Variants in DNAH9 observed in about 807,000 individuals in gnomAD.
DNAH9 encodes DNAH9 variant protein.
Under a neutral mutation model 471.6 loss-of-function variants are expected in DNAH9, and 345 were observed. The ratio of observed to expected loss-of-function variants is 0.73; its 90% CI spans 0.67 to 0.80. The LOEUF (loss-of-function observed/expected upper bound fraction) is 0.80, where lower values mean the gene tolerates loss of function less well. Among genes scored for constraint, DNAH9 ranks in the 30% least tolerant of loss-of-function variants. The probability of loss-of-function intolerance (pLI) is 0.00; values close to 1 mark genes in which losing one functional copy is unlikely to be tolerated. For synonymous variants in DNAH9, 2,093 were observed against 2,123.6 expected, an observed-to-expected ratio of 0.99 and a Z score of 0.40; for missense variants, 5,407 against 5,609.2, an observed-to-expected ratio of 0.96 and a Z score of 1.15.
intron 32 of DNAH9, among the ~76,000 whole-genome samples, chr17:11,749,523 G>A (rs902242190): frequency 3.3e-5 from 5 of 151,584 alleles, no homozygotes; most frequent in African/African-American, 9.7e-5. Context: ...TGCCTGTCTA[G>A]TCTTTTTAGC....
At chr17:11,813,238 G>GA (rs893266030) in intron 45 of DNAH9, among the ~76,000 whole-genome samples, 101 of 141,348 alleles carry the variant, frequency 7.1e-4, no homozygotes, top group African/African-American at 1.3e-3. Flanking sequence ...ATTCTTTAAG[G>GA]AAAAAAAAAA....
chr17:11,940,940 A>G (rs1386109424), intron 66 of DNAH9, among the ~76,000 whole-genome samples: 1 of 152,170 alleles, frequency 6.6e-6, no homozygotes, highest in Non-Finnish European at 1.5e-5. Context: ...TTAACTAGGC[A>G]AGAAATGGCT....
chr17:11,668,370 A>T (rs2073910911), intron 15 of DNAH9, among the ~76,000 whole-genome samples: 1 of 152,158 alleles, frequency 6.6e-6, no homozygotes, highest in African/African-American at 2.4e-5. Context: ...GGCTTTGAAA[A>T]ATCAACCTCT....
intron 37 of DNAH9, 26 bp downstream of exon 37, chr17:11,768,652 C>T (rs373652308): frequency 1.2e-5 from 20 of 1,607,106 alleles, no homozygotes; most frequent in Non-Finnish European, 1.6e-5. Context: ...CAGCCGAGGA[C>T]GTGCGTGCAG....
intron 6 of DNAH9, among the ~76,000 whole-genome samples, chr17:11,622,506 C>T (rs919754426): frequency 2.2e-4 from 33 of 152,074 alleles, no homozygotes; most frequent in African/African-American, 7.7e-4. Context: ...CAGCCCATGC[C>T]TGGCCTGGGC....
chr17:11,795,080 ATAC>A (rs1235009269), intron 42 of DNAH9, among the ~76,000 whole-genome samples: 2 of 151,894 alleles, frequency 1.3e-5, no homozygotes, highest in East Asian at 1.9e-4. Context: ...TAATAAAAAA[ATAC>A]ATATATATAT....
At chr17:11,627,731 C>T (rs192688380) in intron 6 of DNAH9, among the ~76,000 whole-genome samples, 1 of 152,300 alleles carries the variant, frequency 6.6e-6, no homozygotes, top group Admixed American at 6.5e-5. Flanking sequence ...CTTCTCTCCC[C>T]TCCCACTTCA....
intron 4 of DNAH9, chr17:11,612,985 A>G (rs1056665207): frequency 3.3e-5 from 5 of 152,126 alleles, no homozygotes; most frequent in Admixed American, 1.3e-4. Flanking sequence ...TTCCCCTCTC[A>G]TGGCATGGAG....
At chr17:11,722,302 C>G (rs1055728738) in intron 27 of DNAH9, among the ~76,000 whole-genome samples, 4 of 152,114 alleles carry the variant, frequency 2.6e-5, no homozygotes, top group African/African-American at 4.8e-5. Flanking sequence ...AAGCATCTCA[C>G]CTTGAAGTGG....
chr17:11,740,606 G>C (rs1401435260), intron 29 of DNAH9, among the ~76,000 whole-genome samples: 1 of 152,060 alleles, frequency 6.6e-6, no homozygotes, highest in African/African-American at 2.4e-5. Context: ...ACCCATAGAA[G>C]GAAATTTGGA....
intron 67 of DNAH9, among the ~76,000 whole-genome samples, chr17:11,961,121 C>T (rs1233518868): frequency 6.6e-6 from 1 of 152,078 alleles, no homozygotes. Flanking sequence ...TCAAGACCAG[C>T]CAGACCAACA....
At chr17:11,957,118 TAAG>T (rs1057275385) in intron 67 of DNAH9, among the ~76,000 whole-genome samples, 4 of 152,266 alleles carry the variant, frequency 2.6e-5, no homozygotes, top group South Asian at 4.1e-4. Flanking sequence ...AAAAGGATTA[TAAG>T]AATATGAATA....
chr17:11,621,086 G>A (rs1041314712), intron 6 of DNAH9, among the ~76,000 whole-genome samples: 4 of 151,990 alleles, frequency 2.6e-5, no homozygotes, highest in Admixed American at 6.6e-5. Context: ...AGACTTAAAC[G>A]GATTTGAGAA....
At chr17:11,939,170 GCATA>G in intron 66 of DNAH9, among the ~76,000 whole-genome samples, 1 of 152,214 alleles carries the variant, frequency 6.6e-6, no homozygotes, top group East Asian at 1.9e-4. Context: ...GATGAGGTGA[GCATA>G]CTTCGAGAAA....
chr17:11,677,682 T>C (rs2074069373), intron 17 of DNAH9, among the ~76,000 whole-genome samples: 1 of 152,136 alleles, frequency 6.6e-6, no homozygotes, highest in African/African-American at 2.4e-5. Context: ...GTTCTTTTAG[T>C]TTGCTATTCT....
chr17:11,600,338 G>A (rs911207560), intron 1 of DNAH9, among the ~76,000 whole-genome samples: 12 of 151,510 alleles, frequency 7.9e-5, no homozygotes, highest in Non-Finnish European at 1.5e-4. Flanking sequence ...AGAAGAATTT[G>A]TATAAGTAGA....
intron 12 of DNAH9, among the ~76,000 whole-genome samples, chr17:11,649,915 C>T (rs2073469621): frequency 6.6e-6 from 1 of 152,108 alleles, no homozygotes; most frequent in Non-Finnish European, 1.5e-5. Flanking sequence ...AAATCTGCTC[C>T]AAAAATTTTG....
chr17:11,654,514 T>G (rs893666685), intron 14 of DNAH9, among the ~76,000 whole-genome samples: 1 of 151,836 alleles, frequency 6.6e-6, no homozygotes, highest in Non-Finnish European at 1.5e-5. Flanking sequence ...AATCACAAAA[T>G]CAGTGAGACA....
At chr17:11,757,747 G>A in intron 35 of DNAH9, 55 bp downstream of exon 35, 2 of 1,572,152 alleles carry the variant, frequency 1.3e-6, no homozygotes, top group Non-Finnish European at 1.7e-6. Flanking sequence ...AAAGCCCATG[G>A]GTTCACACCT....
Sources: gnomAD v4.1 joint callset for allele counts (sites outside exome capture counted in the v4.1 genomes callset) on GRCh38, gnomAD v4.1.1 for gene constraint, MANE v1.5 for transcripts, NCBI Gene and HGNC (gene_info 2026-07-23, HGNC 2026-07-21) for gene names.